The following PTPRM variants were observed in gnomAD, a reference collection of about 807,000 sequenced individuals.
PTPRM encodes the protein receptor-type tyrosine-protein phosphatase mu.
In PTPRM, 47 loss-of-function variants were observed where a neutral mutation model predicts 186.7. That is an observed-to-expected ratio of 0.25 (90% CI 0.20 to 0.32). The LOEUF (loss-of-function observed/expected upper bound fraction) is 0.32, where lower values mean the gene tolerates loss of function less well. PTPRM is among the 10% of genes least tolerant of loss of function. PTPRM has a pLI of 1.00. For missense variants in PTPRM, 1,494 were observed against 1,865.0 expected, an observed-to-expected ratio of 0.80 and a Z score of 3.66; for synonymous variants, 668 against 674.9, an observed-to-expected ratio of 0.99 and a Z score of 0.16.
chr18:7,899,060 C>T (rs1038467783), intron 3 of PTPRM, among the ~76,000 whole-genome samples: 5 of 152,172 alleles, frequency 3.3e-5, no homozygotes, highest in South Asian at 4.1e-4. Context: ...CTGACTGGAG[C>T]GCTTCTAACA....
At chr18:7,699,521 G>C (rs1283145852) in intron 1 of PTPRM, among the ~76,000 whole-genome samples, 2 of 152,030 alleles carry the variant, frequency 1.3e-5, no homozygotes, top group Non-Finnish European at 2.9e-5. Flanking sequence ...TGATTCTCCT[G>C]CCTCAGCCTC....
chr18:7,948,096 C>CA (rs2147038518), intron 5 of PTPRM, among the ~76,000 whole-genome samples: 1 of 147,418 alleles, frequency 6.8e-6, no homozygotes, highest in South Asian at 2.2e-4. Flanking sequence ...TTATAAATAA[C>CA]ATGTTAAAGA....
intron 14 of PTPRM, among the ~76,000 whole-genome samples, chr18:8,203,427 A>G (rs2093885125): frequency 1.3e-5 from 2 of 152,194 alleles, no homozygotes. Context: ...TAAAGGAAGA[A>G]ATGCTGGGGA....
intron 4 of PTPRM, among the ~76,000 whole-genome samples, chr18:7,913,270 G>A (rs970313389): frequency 1.1e-4 from 10 of 91,152 alleles, no homozygotes; most frequent in African/African-American, 5.3e-4. Context: ...ATGCAAAATT[G>A]TGTCATCTTC....
chr18:7,946,777 T>A, intron 5 of PTPRM: 2 of 365,882 alleles, frequency 5.5e-6, no homozygotes, highest in South Asian at 4.1e-5. Flanking sequence ...TTACAGATAA[T>A]ACTAAAGATA....
In PTPRM at chr18:8,097,942, A is replaced by C. The variant is rs369301330; in HGVS notation, c.1856+9091A>C. Reference sequence around the variant, plus strand: ...CTGCGTATACAGCAGTGGTCCTGAAATATTATAATACTGTCTTTTCATTGC... The same window carrying C: ...CTGCGTATACAGCAGTGGTCCTGAACTATTATAATACTGTCTTTTCATTGC... On this transcript the variant is annotated intron_variant, in intron 11 of 32. Transcript: ENST00000580170. Among the ~76,000 whole-genome samples the C allele has an allele frequency of 4.8e-4, 73 of 152,322 alleles. 2 individuals carry two copies. The South Asian group carries it at 0.015, about 31-fold the overall frequency.
chr18:8,329,687 C>T (rs2095400809), intron 22 of PTPRM, among the ~76,000 whole-genome samples: 1 of 138,898 alleles, frequency 7.2e-6, no homozygotes, highest in African/African-American at 2.7e-5. Flanking sequence ...CCGGAATATA[C>T]CAGTGACTTC....
At chr18:8,319,998 A>G (rs1407542735) in intron 22 of PTPRM, among the ~76,000 whole-genome samples, 1 of 152,142 alleles carries the variant, frequency 6.6e-6, no homozygotes, top group Non-Finnish European at 1.5e-5. Context: ...GCGAGGTTTT[A>G]GAGAATGAGG....
intron 14 of PTPRM, among the ~76,000 whole-genome samples, chr18:8,189,468 C>T (rs1056590495): frequency 6.6e-6 from 1 of 152,110 alleles, no homozygotes; most frequent in Admixed American, 6.5e-5. Context: ...CCCTGTTCCA[C>T]CTTATAAAAG....
intron 7 of PTPRM, among the ~76,000 whole-genome samples, chr18:7,962,406 T>C (rs1197216631): frequency 6.6e-6 from 1 of 152,178 alleles, no homozygotes; most frequent in Non-Finnish European, 1.5e-5. Context: ...TTTTCTTTTA[T>C]CTTATACCCT....
chr18:7,800,717 A>G (rs2043914298), intron 2 of PTPRM, among the ~76,000 whole-genome samples: 1 of 152,216 alleles, frequency 6.6e-6, no homozygotes, highest in South Asian at 2.1e-4. Flanking sequence ...TTGTTCAGGC[A>G]GTTCTATCCT....
At chr18:7,570,619 C>T (rs1469978998) in intron 1 of PTPRM, among the ~76,000 whole-genome samples, 1 of 152,144 alleles carries the variant, frequency 6.6e-6, no homozygotes, top group Admixed American at 6.5e-5. Flanking sequence ...CTTGGCTTGC[C>T]TTTTCCACAC....
At chr18:8,057,481 T>G (rs1018727404) in intron 7 of PTPRM, among the ~76,000 whole-genome samples, 7 of 145,878 alleles carry the variant, frequency 4.8e-5, no homozygotes, top group African/African-American at 1.8e-4. Flanking sequence ...ACTTTAAGTT[T>G]TAGGGTACAT....
intron 19 of PTPRM, among the ~76,000 whole-genome samples, chr18:8,289,442 A>G (rs891178210): frequency 7.6e-6 from 1 of 131,822 alleles, no homozygotes; most frequent in African/African-American, 2.9e-5. Flanking sequence ...ATGTATATAT[A>G]CGTATATATG....
chr18:8,204,187 T>C (rs1383574589), intron 14 of PTPRM, among the ~76,000 whole-genome samples: 1 of 152,128 alleles, frequency 6.6e-6, no homozygotes, highest in Non-Finnish European at 1.5e-5. Context: ...TTGCACTCAT[T>C]ATTGAACACC....
At chr18:7,716,736 A>C (rs1041216565) in intron 1 of PTPRM, among the ~76,000 whole-genome samples, 1 of 152,238 alleles carries the variant, frequency 6.6e-6, no homozygotes, top group Non-Finnish European at 1.5e-5. Flanking sequence ...AAAGCTCATC[A>C]TCAGTGGTCA....
At chr18:8,264,976 C>T (rs565510785) in intron 19 of PTPRM, among the ~76,000 whole-genome samples, 1 of 152,300 alleles carries the variant, frequency 6.6e-6, no homozygotes, top group African/African-American at 2.4e-5. Context: ...GTTCTTTCTA[C>T]TGAAGCACAT....
At chr18:7,862,726 T>A (rs1384541723) in intron 2 of PTPRM, among the ~76,000 whole-genome samples, 1 of 152,214 alleles carries the variant, frequency 6.6e-6, no homozygotes, top group Non-Finnish European at 1.5e-5. Context: ...ATGCAGTTGC[T>A]CAATAAATGT....
chr18:7,837,305 A>G (rs2197010), intron 2 of PTPRM, among the ~76,000 whole-genome samples: 99,764 of 151,624 alleles, frequency 0.66, 33,314 homozygotes, highest in East Asian at 0.96. Flanking sequence ...AATGACTCAT[A>G]CATTCTTCAG....
Sources: gnomAD v4.1 joint callset for allele counts (sites outside exome capture counted in the v4.1 genomes callset) on GRCh38, gnomAD v4.1.1 for gene constraint, MANE v1.5 for transcripts, NCBI Gene and HGNC (gene_info 2026-07-23, HGNC 2026-07-21) for gene names.